SPTAN1: variants seen among roughly 807,000 people sequenced by gnomAD.
The protein encoded by SPTAN1 is spectrin alpha chain, non-erythrocytic 1.
In SPTAN1, 61 loss-of-function variants were observed where a neutral mutation model predicts 331.3. The ratio of observed to expected loss-of-function variants is 0.18; its 90% CI spans 0.15 to 0.23. The LOEUF (loss-of-function observed/expected upper bound fraction) is 0.23, where lower values mean the gene tolerates loss of function less well. SPTAN1 is among the 10% of genes least tolerant of loss of function. SPTAN1 has a pLI of 1.00. For missense variants in SPTAN1, 2,043 were observed against 3,147.9 expected (o/e 0.65, Z 8.40); for synonymous variants, 1,153 against 1,173.9 (o/e 0.98, Z 0.36).
rs984212165 is a variant in SPTAN1, at chr9:128,627,947, A to C, written c.6707+5A>C. The C allele has an allele frequency of 1.2e-6, 2 of 1,613,954 alleles. No individual in the cohort carries two copies. Among genetic ancestry groups the C allele is most frequent in the Non-Finnish European group, 1.7e-6 (2 of 1,180,016 alleles). Reference sequence around the variant, plus strand: ...CAGGACATACCTCCTCGATGGGTTAATATTGTTTTCTTCCTTCTCTGGGCT... The same window carrying C: ...CAGGACATACCTCCTCGATGGGTTACTATTGTTTTCTTCCTTCTCTGGGCT... On this transcript the variant is annotated splice_donor_5th_base_variant and intron_variant, in intron 51 of 56. Coordinates refer to ENST00000372739, the MANE Select transcript of SPTAN1 (RefSeq NM_001130438.3). The surrounding 1 kb of genome is among the most constrained non-coding windows in gnomAD (Gnocchi z 4.9).
chr9:128,618,135 G>A (rs541970022), intron 43 of SPTAN1, 27 bp downstream of exon 43: 50 of 1,611,836 alleles, frequency 3.1e-5, no homozygotes, highest in Middle Eastern at 2.1e-4. Flanking sequence ...AGGAGCTCCC[G>A]GGAACAAGTG....
chr9:128,563,373 T>A (rs887234636), intron 1 of SPTAN1, among the ~76,000 whole-genome samples: 1 of 150,764 alleles, frequency 6.6e-6, no homozygotes, highest in Non-Finnish European at 1.5e-5. Context: ...TGAGATCGTA[T>A]CACTGCACTC....
chr9:128,554,060 T>C (rs939601666), intron 1 of SPTAN1, among the ~76,000 whole-genome samples: 3 of 152,182 alleles, frequency 2.0e-5, no homozygotes, highest in Non-Finnish European at 2.9e-5. Flanking sequence ...GTCTTAGATT[T>C]TGAAAGGTCA....
intron 45 of SPTAN1, 115 bp from the exon 46 acceptor site, chr9:128,624,213 G>A (rs1858386245): frequency 1.6e-6 from 2 of 1,217,774 alleles, no homozygotes; most frequent in African/African-American, 3.0e-5. Flanking sequence ...ACCCAGCAGT[G>A]GACAGGGGAG....
intron 36 of SPTAN1, 123 bp from the exon 37 acceptor site, chr9:128,609,528 A>T: frequency 1.0e-6 from 1 of 985,266 alleles, no homozygotes; most frequent in Admixed American, 2.6e-5. Flanking sequence ...TCCCCCTTCT[A>T]TTACTGTTCC....
intron 41 of SPTAN1, 38 bp downstream of exon 41, chr9:128,615,878 T>C: frequency 6.2e-7 from 1 of 1,605,136 alleles, no homozygotes; most frequent in Non-Finnish European, 8.5e-7. Context: ...CCCTTACGCC[T>C]GTAATAGTGG....
rs2132957934 is a variant in SPTAN1, at chr9:128,566,813, C to T, written c.73C>T (p.Arg25Ter). The part of the protein sequence containing the change: ...IQERRQQVLD[R>*]YHRFKELSTL... ...GGAGAGGCGGCAGCAGGTCCTAGAC[C>T]GATACCACCGCTTCAAGGAACTCTC... The change falls in exon 2 of 57, where the codon CGA (arginine) becomes TGA (stop). Residue 25 changes from arginine to a stop codon, truncating the protein, a stop_gained. Transcript: ENST00000372739. LOFTEE classifies it high-confidence loss of function. 1 of 1,614,120 alleles carries T rather than the reference C, an allele frequency of 6.2e-7. No individual in the cohort carries two copies. The highest frequency in any genetic ancestry group is 8.5e-7 in the Non-Finnish European group (1 of 1,180,010).
At position 128,587,657 on chromosome 9, in the gene SPTAN1, A is replaced by G. The variant is rs1852830125; in HGVS notation, c.2830A>G (p.Ser944Gly). 1.2e-6 allele frequency: 2 copies of G among 1,614,106 alleles called. No homozygotes were observed. The highest frequency in any genetic ancestry group is 1.7e-6 in the Non-Finnish European group (2 of 1,179,994). ...ALMSDLSAYG[S>G]SIQALREQAQ... ...GATGTCAGATCTCAGTGCCTACGGCAGCAGCATCCAGGCTTTGCGAGAACA... is the reference window on the plus strand; with the variant it reads ...GATGTCAGATCTCAGTGCCTACGGCGGCAGCATCCAGGCTTTGCGAGAACA... The change falls in exon 20 of 57, where the codon AGC (serine) becomes GGC (glycine). Residue 944 changes from serine to glycine, a missense_variant. Coordinates refer to ENST00000372739, the MANE Select transcript of SPTAN1 (RefSeq NM_001130438.3).
chr9:128,605,303 C>G lies in SPTAN1; in HGVS notation c.3872C>G (p.Ser1291Cys), dbSNP rs1023409853. 3.7e-6 allele frequency: 6 copies of G among 1,614,140 alleles called. No individual in the cohort carries two copies. The highest frequency in any genetic ancestry group is 5.1e-6 in the Non-Finnish European group (6 of 1,180,034). Residue 1291 changes from serine to cysteine, a missense_variant, in exon 31 of 57, where the codon TCC becomes TGC. By Grantham distance (112) the Ser-to-Cys change is moderately radical. Transcript: ENST00000372739. The stretch of plus-strand genomic sequence containing the variant: ...ACCACTTTCTTCCCATAGGTAAACT[C>G]CCTTGGTGAAACAGCAGAGCGCCTG... ...DLAALGDKVN[S>C]LGETAERLIQ...
chr9:128,608,523 TGAAC>T (rs1443757034), intron 34 of SPTAN1, among the ~76,000 whole-genome samples: 1 of 152,194 alleles, frequency 6.6e-6, no homozygotes, highest in Non-Finnish European at 1.5e-5. Context: ...AAGGGAATAA[TGAAC>T]AAACAACAAG....
intron 27 of SPTAN1, among the ~76,000 whole-genome samples, chr9:128,601,135 C>T (rs1489392667): frequency 1.3e-5 from 2 of 151,606 alleles, no homozygotes; most frequent in African/African-American, 4.8e-5. Context: ...AGGCATGCAC[C>T]ACCATGCCTC....
At chr9:128,619,246 A>G (rs1857553317) in intron 44 of SPTAN1, among the ~76,000 whole-genome samples, 1 of 152,212 alleles carries the variant, frequency 6.6e-6, no homozygotes, top group Admixed American at 6.6e-5. Flanking sequence ...TTCACCAGGC[A>G]GCGCTGTGGG....
At chr9:128,621,125 C>G (rs753847805) in intron 44 of SPTAN1, 33 bp from the exon 45 acceptor site, 7 of 1,606,298 alleles carry the variant, frequency 4.4e-6, no homozygotes, top group Non-Finnish European at 5.1e-6. Flanking sequence ...ATAGCAGGCT[C>G]TCAATAGTGT....
intron 1 of SPTAN1, among the ~76,000 whole-genome samples, chr9:128,564,821 A>G (rs534477720): frequency 2.0e-5 from 3 of 152,226 alleles, no homozygotes; most frequent in Non-Finnish European, 4.4e-5. Context: ...GAAGAGTCAT[A>G]GGACATTCTA....
In SPTAN1 at chr9:128,608,018, G is replaced by A; in HGVS notation, c.4313G>A (p.Arg1438Lys). The A allele has an allele frequency of 1.2e-6, 2 of 1,614,158 alleles. No individual in the cohort carries two copies. Among genetic ancestry groups the A allele is most frequent in the Non-Finnish European group, 1.7e-6 (2 of 1,180,032 alleles). The change falls in exon 33 of 57, where the codon AGG (arginine) becomes AAG (lysine). Residue 1438 changes from arginine (R) to lysine (K), a missense_variant. By Grantham distance (26) the Arg-to-Lys change is conservative (BLOSUM62 2). Transcript: ENST00000372739. Reference sequence around the variant, plus strand: ...CTGGAGAAGGCCTGGGTTCAGCGCAGGATGATGCTGGATCAGTGCCTTGAA... The same window carrying A: ...CTGGAGAAGGCCTGGGTTCAGCGCAAGATGATGCTGGATCAGTGCCTTGAA... Reference protein sequence around the residue: ...ADLEKAWVQRRMMLDQCLELQ... With the variant: ...ADLEKAWVQRKMMLDQCLELQ...
chr9:128,632,401 T>G (rs370762542), intron 53 of SPTAN1, 30 bp from the exon 54 acceptor site: 10 of 1,613,600 alleles, frequency 6.2e-6, no homozygotes, highest in Non-Finnish European at 8.5e-6. Flanking sequence ...GTGTGGAGGG[T>G]CTGTTCCCTA....
Position 128,633,498 on chromosome 9 carries a change from A to ACAAT in SPTAN1, c.*167_*170dup. Reference sequence around the variant, plus strand: ...TCACTAACCCGCTTCCGGTCCAGTCACAATCATCATGTCACTGTGGGGACC... The same window carrying ACAAT: ...TCACTAACCCGCTTCCGGTCCAGTCACAATCAATCATCATGTCACTGTGGGGACC... On this transcript the variant is annotated 3_prime_UTR_variant, in exon 57 of 57. Transcript: ENST00000372739. The ACAAT allele has an allele frequency of 8.0e-7, 1 of 1,250,006 alleles. No homozygotes were observed. The highest frequency in any genetic ancestry group is 1.1e-6 in the Non-Finnish European group (1 of 874,766). 77.4% of individuals were successfully genotyped at this position (1,250,006 alleles called of 1,614,324 possible).
chr9:128,603,200 C>T (rs1484548557), intron 27 of SPTAN1, among the ~76,000 whole-genome samples: 3 of 151,126 alleles, frequency 2.0e-5, no homozygotes, highest in Non-Finnish European at 4.4e-5. Flanking sequence ...TTTTTTTTTC[C>T]GGAATGTTCT....
Position 128,606,429 on chromosome 9 carries a change from C to T in SPTAN1, c.4046+952C>T, listed in dbSNP as rs142896330. On this transcript the variant is annotated intron_variant, in intron 31 of 56. Coordinates refer to ENST00000372739, the MANE Select transcript of SPTAN1 (RefSeq NM_001130438.3). ...TTTCCTATCCAAGTATGGGCATACTCCCTCTCATCTCCTTGCCATATGACA... is the reference window on the plus strand; with the variant it reads ...TTTCCTATCCAAGTATGGGCATACTTCCTCTCATCTCCTTGCCATATGACA... Among the ~76,000 whole-genome samples the T allele has an allele frequency of 5.2e-3, 743 of 143,280 alleles. 9 individuals carry two copies. The highest frequency in any genetic ancestry group is 0.018 in the African/African-American group (711 of 39,262). 94.0% of individuals were successfully genotyped at this position (143,280 alleles called of 152,430 possible). A position where few individuals can be genotyped will look rare whatever the true frequency, so the allele number is the denominator to read the frequency against.
Sources: allele counts gnomAD v4.1 joint callset (sites outside exome capture counted in the v4.1 genomes callset), GRCh38; gene constraint gnomAD v4.1.1; non-coding constraint Gnocchi (gnomAD v3.1); transcripts MANE v1.5; gene names NCBI Gene and HGNC (gene_info 2026-07-23, HGNC 2026-07-21).